C8orf34: variants seen among roughly 807,000 people sequenced by gnomAD.
C8orf34 encodes the protein uncharacterized protein C8orf34.
C8orf34 carries 65 observed loss-of-function variants against 68.3 expected under a neutral mutation model. That is an observed-to-expected ratio of 0.95 (90% confidence interval 0.78 to 1.17). C8orf34 has a LOEUF of 1.17. Among genes scored for constraint, C8orf34 ranks in the 50% most tolerant of loss-of-function variants. The pLI is 0.00. For missense variants in C8orf34, 664 were observed against 655.4 expected (o/e 1.01, Z -0.14); for synonymous variants, 244 against 241.2 (o/e 1.01, Z -0.11).
In C8orf34 at chr8:68,571,787, C is replaced by T. The variant is rs147977660; in HGVS notation, c.1105+38638C>T. 8.2e-3 allele frequency among the ~76,000 whole-genome samples: 1,249 copies of T among 152,224 alleles called. 21 individuals are homozygous for T. The highest frequency in any genetic ancestry group is 0.028 in the African/African-American group (1,177 of 41,544). ...GCTTTCATTGATTTCAGAATATGAA[C>T]ACGGTGACTGAGCCTTCTATTTGCT... On this transcript the variant is annotated intron_variant, in intron 7 of 13. Transcript: ENST00000518698.
chr8:68,388,593 A>C (rs1218023489), intron 1 of C8orf34, among the ~76,000 whole-genome samples: 1 of 152,136 alleles, frequency 6.6e-6, no homozygotes, highest in East Asian at 1.9e-4. Context: ...AGCCTGAGGC[A>C]ATATGGCATC....
At chr8:68,384,420 C>A (rs78637788) in intron 1 of C8orf34, among the ~76,000 whole-genome samples, 1 of 152,194 alleles carries the variant, frequency 6.6e-6, no homozygotes, top group Non-Finnish European at 1.5e-5. Flanking sequence ...ATATATATGG[C>A]GCTGGCCTCT....
At chr8:68,655,550 T>C (rs191377427) in intron 8 of C8orf34, among the ~76,000 whole-genome samples, 2 of 152,276 alleles carry the variant, frequency 1.3e-5, no homozygotes, top group Non-Finnish European at 2.9e-5. Flanking sequence ...GCTAGAGATT[T>C]ATGGTACAAT....
chr8:68,685,764 T>C (rs1349688188), intron 8 of C8orf34, among the ~76,000 whole-genome samples: 2 of 151,860 alleles, frequency 1.3e-5, no homozygotes, highest in Non-Finnish European at 2.9e-5. Context: ...TACTTCCAGC[T>C]ACTCAGGAGG....
chr8:68,765,463 C>T (rs1293178720), intron 10 of C8orf34, among the ~76,000 whole-genome samples: 2 of 152,146 alleles, frequency 1.3e-5, no homozygotes, highest in Non-Finnish European at 2.9e-5. Context: ...AGTTTGGACC[C>T]ACCAATGGAA....
At chr8:68,547,707 T>C (rs1258104879) in intron 7 of C8orf34, among the ~76,000 whole-genome samples, 1 of 151,762 alleles carries the variant, frequency 6.6e-6, no homozygotes, top group Non-Finnish European at 1.5e-5. Flanking sequence ...ATTCAAATTC[T>C]AAAGTTTATA....
chr8:68,786,418 C>T (rs1823847325), intron 11 of C8orf34, among the ~76,000 whole-genome samples: 1 of 152,096 alleles, frequency 6.6e-6, no homozygotes, highest in Non-Finnish European at 1.5e-5. Flanking sequence ...TATTTATGAC[C>T]TCAAGGACCT....
intron 7 of C8orf34, among the ~76,000 whole-genome samples, chr8:68,537,834 C>T (rs185036422): frequency 6.6e-6 from 1 of 152,020 alleles, no homozygotes; most frequent in Admixed American, 6.6e-5. Flanking sequence ...ATTTGCAAAT[C>T]GTAGAGATTA....
chr8:68,404,788 A>G (rs1809118229), intron 1 of C8orf34, among the ~76,000 whole-genome samples: 2 of 152,162 alleles, frequency 1.3e-5, no homozygotes, highest in African/African-American at 4.8e-5. Context: ...CTTGTAGTAT[A>G]GTTTGAAGTC....
chr8:68,542,748 C>T (rs1246935710), intron 7 of C8orf34, among the ~76,000 whole-genome samples: 1 of 152,026 alleles, frequency 6.6e-6, no homozygotes, highest in Non-Finnish European at 1.5e-5. Flanking sequence ...TATAATCAGT[C>T]TCTGCTTATC....
chr8:68,341,721 G>T (rs1032453315), intron 1 of C8orf34, among the ~76,000 whole-genome samples: 1 of 152,148 alleles, frequency 6.6e-6, no homozygotes, highest in Admixed American at 6.6e-5. Flanking sequence ...AAACATGCCT[G>T]CTCCCACGTC....
intron 1 of C8orf34, among the ~76,000 whole-genome samples, chr8:68,413,166 A>G (rs970698237): frequency 6.6e-6 from 1 of 152,138 alleles, no homozygotes; most frequent in African/African-American, 2.4e-5. Context: ...TTCTTAGTTC[A>G]ATTGCTCTTG....
At chr8:68,360,220 C>T (rs557634439) in intron 1 of C8orf34, among the ~76,000 whole-genome samples, 5 of 152,252 alleles carry the variant, frequency 3.3e-5, no homozygotes, top group Admixed American at 6.5e-5. Context: ...TTGCTTTTCT[C>T]GTCTTTGCCA....
intron 1 of C8orf34, among the ~76,000 whole-genome samples, chr8:68,370,900 C>T (rs1445201038): frequency 2.0e-5 from 3 of 152,128 alleles, no homozygotes; most frequent in East Asian, 1.9e-4. Context: ...AGGAATTTTA[C>T]GGAGTATAAG....
At chr8:68,637,916 T>C (rs1359490485) in intron 7 of C8orf34, among the ~76,000 whole-genome samples, 2 of 152,154 alleles carry the variant, frequency 1.3e-5, no homozygotes, top group Non-Finnish European at 2.9e-5. Context: ...AAGGTTACTA[T>C]TTAGGATAAT....
intron 1 of C8orf34, among the ~76,000 whole-genome samples, chr8:68,421,791 C>T (rs1391916320): frequency 1.3e-5 from 2 of 152,136 alleles, no homozygotes; most frequent in Non-Finnish European, 2.9e-5. Context: ...ATACATGAGA[C>T]TGGGTAATTT....
intron 6 of C8orf34, among the ~76,000 whole-genome samples, chr8:68,532,603 A>G (rs1178059157): frequency 6.6e-6 from 1 of 152,224 alleles, no homozygotes; most frequent in Non-Finnish European, 1.5e-5. Context: ...GTAATATTAT[A>G]AAATATTTAT....
intron 1 of C8orf34, among the ~76,000 whole-genome samples, chr8:68,431,603 C>T (rs1353295404): frequency 1.3e-5 from 2 of 152,078 alleles, no homozygotes; most frequent in African/African-American, 4.8e-5. Context: ...TTGGTGTTTG[C>T]CTGGAAATTT....
At chr8:68,534,150 C>G in intron 7 of C8orf34, 1 of 985,182 alleles carries the variant, frequency 1.0e-6, no homozygotes, top group Non-Finnish European at 1.2e-6. Context: ...TTGCATAGGC[C>G]TACAAAGGTG....
Sources: gnomAD v4.1 joint callset for allele counts (sites outside exome capture counted in the v4.1 genomes callset) on GRCh38, gnomAD v4.1.1 for gene constraint, MANE v1.5 for transcripts, NCBI Gene and HGNC (gene_info 2026-07-23, HGNC 2026-07-21) for gene names.